Variants in ANK1 observed in about 807,000 individuals in gnomAD.
The protein encoded by ANK1 is ankyrin-1.
A neutral mutation model predicts 210.4 loss-of-function variants in ANK1; 51 were observed. The ratio of observed to expected loss-of-function variants is 0.24; its 90% confidence interval spans 0.19 to 0.31. The LOEUF is 0.31. Ranked by LOEUF, ANK1 falls within the 10% of genes least tolerant of loss-of-function variation. The probability of loss-of-function intolerance (pLI) is 1.00; values close to 1 mark genes in which losing one functional copy is unlikely to be tolerated. For synonymous variants in ANK1, 967 were observed against 1,025.9 expected (o/e 0.94, Z 1.10); for missense variants, 2,051 against 2,504.4 (o/e 0.82, Z 3.86).
chr8:41,702,179 G>T (rs79505893), intron 20 of ANK1, 35 bp from the exon 21 acceptor site: 27,610 of 1,575,586 alleles, frequency 0.018, 490 homozygotes, highest in African/African-American at 0.087. Context: ...AGTCAGACAG[G>T]GGATGGAGTC....
intron 1 of ANK1, among the ~76,000 whole-genome samples, chr8:41,859,328 G>C (rs1173071641): frequency 1.3e-5 from 2 of 151,148 alleles, no homozygotes; most frequent in African/African-American, 4.9e-5. Flanking sequence ...GTTATTTTTT[G>C]TTTGTTTGTG....
chr8:41,745,930 T>C (rs1836002587), intron 2 of ANK1, among the ~76,000 whole-genome samples: 1 of 152,182 alleles, frequency 6.6e-6, no homozygotes, highest in African/African-American at 2.4e-5. Context: ...ACTATGTTGC[T>C]CAGGCTGGTC....
At chr8:41,863,862 C>T (rs1813767842) in intron 1 of ANK1, among the ~76,000 whole-genome samples, 1 of 152,136 alleles carries the variant, frequency 6.6e-6, no homozygotes, top group Non-Finnish European at 1.5e-5. Context: ...AGGGGCTTAC[C>T]ATGCTCTAAG....
chr8:41,803,094 GA>G (rs367818094), intron 1 of ANK1, among the ~76,000 whole-genome samples: 4 of 98,808 alleles, frequency 4.0e-5, no homozygotes, highest in East Asian at 3.0e-4. Context: ...GGAAGGAAAG[GA>G]AAGGAAAGGA....
chr8:41,801,192 C>G (rs1376238577), upstream of ANK1, among the ~76,000 whole-genome samples: 1 of 151,940 alleles, frequency 6.6e-6, no homozygotes, highest in African/African-American at 2.4e-5. Flanking sequence ...TTCACTGCAG[C>G]CTTGAACTCC....
chr8:41,737,632 A>C (rs139542227), intron 2 of ANK1, among the ~76,000 whole-genome samples: 57 of 152,326 alleles, frequency 3.7e-4, no homozygotes, highest in African/African-American at 1.3e-3. Context: ...TGATTTTTAA[A>C]AAATGTTTTC....
intron 23 of ANK1, among the ~76,000 whole-genome samples, chr8:41,699,066 T>C (rs1307211878): frequency 6.6e-6 from 1 of 152,174 alleles, no homozygotes; most frequent in Non-Finnish European, 1.5e-5. Flanking sequence ...CCCAAAGTAC[T>C]GGGATTACAG....
At chr8:41,693,779 C>T (rs1227043230) in intron 29 of ANK1, 119 bp downstream of exon 29, 4 of 1,170,968 alleles carry the variant, frequency 3.4e-6, no homozygotes, top group South Asian at 2.7e-5. Context: ...ACCTCACTCC[C>T]GGGGAAGTCA....
intron 1 of ANK1, among the ~76,000 whole-genome samples, chr8:41,758,874 G>GT (rs1253037334): frequency 6.6e-6 from 1 of 152,076 alleles, no homozygotes; most frequent in Non-Finnish European, 1.5e-5. Context: ...CTTTGGAGCT[G>GT]TTTTGTGTTT....
At chr8:41,679,618 A>G (rs1363891299) in intron 37 of ANK1, among the ~76,000 whole-genome samples, 1 of 124,912 alleles carries the variant, frequency 8.0e-6, no homozygotes, top group Non-Finnish European at 1.6e-5. Context: ...GCGGGAGTGC[A>G]GTGGCGCAAT....
At chr8:41,809,585 A>C (rs956396986) in intron 1 of ANK1, among the ~76,000 whole-genome samples, 2 of 152,134 alleles carry the variant, frequency 1.3e-5, no homozygotes, top group African/African-American at 4.8e-5. Flanking sequence ...TGGGCAACAT[A>C]GCAAGACCCC....
In ANK1 at chr8:41,655,305, C is replaced by CTT. The variant is rs5891167; in HGVS notation, c.*483_*484dup. ...TTAAACTGATTTCATGCCTAGTTTT[C>CTT]TTTTTTTTTTTTTTCTTTCCAGGAA... On this transcript the variant is annotated 3_prime_UTR_variant, in exon 43 of 43. Transcript: ENST00000289734. 662 of 145,376 alleles carry CTT rather than the reference C, an allele frequency of 4.6e-3. 1 individual carries two copies. The highest frequency in any genetic ancestry group is 0.016 in the South Asian group (82 of 5,086). 9.0% of individuals were successfully genotyped at this position (145,376 alleles called of 1,614,324 possible). A position where few individuals can be genotyped will look rare whatever the true frequency, so the allele number is the denominator to read the frequency against.
rs1818924923 is a variant in ANK1, at chr8:41,690,325, G to A, written c.4006C>T (p.Pro1336Ser). 6.2e-7 allele frequency: 1 copy of A among 1,614,104 alleles called. No homozygotes were observed. The highest frequency in any genetic ancestry group is 8.5e-7 in the Non-Finnish European group (1 of 1,180,054). Residue 1336 changes from proline to serine, a missense_variant, in exon 33 of 43, where the codon CCG becomes TCG. By Grantham distance (74) the Pro-to-Ser change is moderately conservative. Around this residue, in one of 6 missense-constraint regions of ANK1, gnomAD observed 1,413 missense variants for 1,707.4 expected, o/e 0.83. Coordinates refer to ENST00000289734, the MANE Select transcript of ANK1 (RefSeq NM_000037.4). ...CGCAGAAACGACAGGGACCCTCCCG[G>A]CTCTCGACTGCTGTCCCTCACCTAA... ...PVKVRDSSREPGGSLSFLRKA... is the reference protein window; with the variant it reads ...PVKVRDSSRESGGSLSFLRKA...
In ANK1 at chr8:41,692,635, C is replaced by A. The variant is rs768661851; in HGVS notation, c.3858+13G>T. ...GTTTGTCCCAGAGGCGGTGCAGGGC[C>A]CAGCCCTGTTACCTCTATGTCCCTG... is the stretch of plus-strand genomic sequence containing the variant. On this transcript the variant is annotated intron_variant, in intron 31 of 42. Coordinates refer to ENST00000289734, the MANE Select transcript of ANK1 (RefSeq NM_000037.4). 1.2e-6 allele frequency: 2 copies of A among 1,609,464 alleles called. No homozygotes were observed. Among genetic ancestry groups the A allele is most frequent in the Non-Finnish European group, 1.7e-6 (2 of 1,177,274 alleles).
intron 2 of ANK1, among the ~76,000 whole-genome samples, chr8:41,745,903 C>A (rs1835995398): frequency 6.6e-6 from 1 of 152,072 alleles, no homozygotes; most frequent in Admixed American, 6.6e-5. Flanking sequence ...TTGATTTGTT[C>A]TGTAGGACAA....
At chr8:41,663,069 C>A (rs1809028709) in intron 40 of ANK1, among the ~76,000 whole-genome samples, 1 of 151,524 alleles carries the variant, frequency 6.6e-6, no homozygotes, top group African/African-American at 2.4e-5. Context: ...CATGCGCCAC[C>A]ATGCCTGGCT....
Position 41,755,814 on chromosome 8 carries a change from C to A in ANK1, c.129+2222G>T, listed in dbSNP as rs1838994947. Among the ~76,000 whole-genome samples the A allele has an allele frequency of 2.0e-5, 3 of 152,210 alleles. No homozygotes were observed. In the South Asian group the frequency reaches 6.2e-4, roughly 32 times the overall value. On this transcript the variant is annotated intron_variant, in intron 2 of 42. Coordinates refer to ENST00000289734, the MANE Select transcript of ANK1 (RefSeq NM_000037.4). ...CAGCCTGGCAGATGCTTTGTTAGAA[C>A]CACCACAATGTCCTCTGGGCTGTGG... is the stretch of plus-strand genomic sequence containing the variant.
At chr8:41,705,801 C>A (rs1280499842) in intron 18 of ANK1, among the ~76,000 whole-genome samples, 2 of 152,196 alleles carry the variant, frequency 1.3e-5, no homozygotes, top group African/African-American at 2.4e-5. Flanking sequence ...TGGATTTAAC[C>A]AAGTGCTGGA....
intron 1 of ANK1, among the ~76,000 whole-genome samples, chr8:41,760,900 T>C (rs1035456489): frequency 2.0e-5 from 3 of 151,812 alleles, no homozygotes; most frequent in Non-Finnish European, 4.4e-5. Context: ...CTACATGCCC[T>C]CCTAAAAAAA....
Sources: gnomAD v4.1 joint callset for allele counts (sites outside exome capture counted in the v4.1 genomes callset) on GRCh38, gnomAD v4.1.1 for gene constraint, gnomAD v4.1.1 regional missense constraint, MANE v1.5 for transcripts, NCBI Gene and HGNC (gene_info 2026-07-23, HGNC 2026-07-21) for gene names.